The following SLCO1B3 variants were observed in gnomAD, a reference collection of about 807,000 sequenced individuals.
SLCO1B3 encodes the protein liver-specific organic anion transporter 2.
In SLCO1B3, 72 loss-of-function variants were observed where a neutral mutation model predicts 71.8. That is an observed-to-expected ratio of 1.00 (90% CI 0.83 to 1.22). The LOEUF (loss-of-function observed/expected upper bound fraction) is 1.22. SLCO1B3 is among the 50% of genes most tolerant of loss of function. The pLI is 0.00. For synonymous variants in SLCO1B3, 298 were observed against 278.4 expected (o/e 1.07, Z -0.70); for missense variants, 911 against 819.7 (o/e 1.11, Z -1.36).
chr12:20,870,509 A>T (rs973720442), intron 8 of SLCO1B3, among the ~76,000 whole-genome samples: 1 of 152,118 alleles, frequency 6.6e-6, no homozygotes, highest in African/African-American at 2.4e-5. Flanking sequence ...TTATTTTTTC[A>T]GTATATATAT....
At chr12:20,862,055 C>T (rs892075052) in intron 6 of SLCO1B3, among the ~76,000 whole-genome samples, 44 of 152,010 alleles carry the variant, frequency 2.9e-4, no homozygotes, top group African/African-American at 9.9e-4. Context: ...GAACTCTTGA[C>T]AACATGGGGA....
Position 20,910,765 on chromosome 12 carries a change from C to A in SLCO1B3, c.1866-5239C>A, listed in dbSNP as rs371106697. 2.4e-4 allele frequency among the ~76,000 whole-genome samples: 36 copies of A among 152,156 alleles called. No individual in the cohort carries two copies. The East Asian group carries it at 3.1e-3, about 13-fold the overall frequency. ...AATTTCAAATTCCACTTGTTCATTG[C>A]TGATTTATAGGAAAACTTTTCACTT... On this transcript the variant is annotated intron_variant, in intron 15 of 15. Coordinates refer to ENST00000381545, the MANE Select transcript of SLCO1B3 (RefSeq NM_019844.4).
intron 13 of SLCO1B3, among the ~76,000 whole-genome samples, chr12:20,895,054 A>G (rs1342843329): frequency 2.0e-5 from 3 of 152,280 alleles, no homozygotes; most frequent in South Asian, 2.1e-4. Flanking sequence ...CTTATTCACT[A>G]TCATGGAACA....
chr12:20,853,662 T>C (rs2121216798), intron 3 of SLCO1B3, among the ~76,000 whole-genome samples: 1 of 152,138 alleles, frequency 6.6e-6, no homozygotes, highest in Middle Eastern at 3.4e-3. Context: ...TGTTGATATA[T>C]TCAAAAGACC....
intron 3 of SLCO1B3, among the ~76,000 whole-genome samples, chr12:20,829,369 C>T (rs1354808612): frequency 1.3e-5 from 2 of 152,210 alleles, no homozygotes; most frequent in African/African-American, 4.8e-5. Context: ...AACTCACCTT[C>T]CCTGCGGGAA....
At chr12:20,903,085 A>AAAAAAG (rs1383220108) in intron 15 of SLCO1B3, among the ~76,000 whole-genome samples, 2 of 151,896 alleles carry the variant, frequency 1.3e-5, no homozygotes, top group Non-Finnish European at 2.9e-5. Flanking sequence ...AAAAAAAAAA[A>AAAAAAG]AAATCAATGC....
chr12:20,823,920 A>G (rs1241550926), intron 3 of SLCO1B3, among the ~76,000 whole-genome samples: 2 of 152,180 alleles, frequency 1.3e-5, no homozygotes, highest in African/African-American at 4.8e-5. Context: ...TCCTTTTCTC[A>G]AGGCAATCGG....
intron 8 of SLCO1B3, among the ~76,000 whole-genome samples, chr12:20,866,628 C>T (rs1168751434): frequency 6.6e-6 from 1 of 152,030 alleles, no homozygotes; most frequent in Admixed American, 6.6e-5. Context: ...GCTCCTGCCA[C>T]TTAGGAGTAA....
At chr12:20,843,678 G>A (rs1265110631) in intron 3 of SLCO1B3, among the ~76,000 whole-genome samples, 2 of 151,958 alleles carry the variant, frequency 1.3e-5, no homozygotes, top group African/African-American at 4.8e-5. Flanking sequence ...CTACTCAGGA[G>A]GCTGAGGCAG....
At chr12:20,837,243 T>C (rs1454246129) in intron 3 of SLCO1B3, among the ~76,000 whole-genome samples, 1 of 152,090 alleles carries the variant, frequency 6.6e-6, no homozygotes, top group African/African-American at 2.4e-5. Flanking sequence ...CTATAAATTT[T>C]ATGGATCTTT....
intron 15 of SLCO1B3, among the ~76,000 whole-genome samples, chr12:20,909,905 G>A (rs1405352291): frequency 6.6e-6 from 1 of 152,120 alleles, no homozygotes; most frequent in Non-Finnish European, 1.5e-5. Context: ...AATGATTTGT[G>A]AATGTTGAAC....
At chr12:20,811,635 CCAAT>C (rs1203944858) in intron 1 of SLCO1B3, among the ~76,000 whole-genome samples, 2 of 152,116 alleles carry the variant, frequency 1.3e-5, no homozygotes, top group African/African-American at 2.4e-5. Context: ...CTACTTCAGC[CCAAT>C]CAAACTGTGA....
intron 3 of SLCO1B3, among the ~76,000 whole-genome samples, chr12:20,822,277 G>C (rs370681992): frequency 4.6e-5 from 7 of 152,244 alleles, no homozygotes; most frequent in East Asian, 1.9e-4. Context: ...GGCTGAGTCC[G>C]AAAAGAGAGT....
chr12:20,814,939 G>T (rs1864164788), intron 2 of SLCO1B3, among the ~76,000 whole-genome samples: 1 of 148,460 alleles, frequency 6.7e-6, no homozygotes. Context: ...CTGGATAAGG[G>T]GACAAAGGTT....
intron 15 of SLCO1B3, among the ~76,000 whole-genome samples, chr12:20,909,539 T>G (rs1298937123): frequency 1.3e-5 from 2 of 152,014 alleles, no homozygotes; most frequent in Non-Finnish European, 1.5e-5. Context: ...TATGTTAAAG[T>G]CTTTGGCCTA....
At position 20,838,578 on chromosome 12, in the gene SLCO1B3, C is replaced by T. The variant is rs1030783015; in HGVS notation, c.85-16450C>T. 2.6e-5 allele frequency among the ~76,000 whole-genome samples: 4 copies of T among 152,038 alleles called. No individual in the cohort carries two copies. In the South Asian group the frequency reaches 6.2e-4, roughly 24 times the overall value. On this transcript the variant is annotated intron_variant, in intron 3 of 15. Coordinates refer to ENST00000381545, the MANE Select transcript of SLCO1B3 (RefSeq NM_019844.4). ...ACTTACACAAGCCTAGATAGATTAG[C>T]CTGCTAGACACCTAGGCTATATGTT... is the stretch of plus-strand genomic sequence containing the variant.
At chr12:20,851,893 C>T in intron 3 of SLCO1B3, among the ~76,000 whole-genome samples, 1 of 105,546 alleles carries the variant, frequency 9.5e-6, no homozygotes, top group South Asian at 5.2e-4. Flanking sequence ...GTTTTCTCAA[C>T]ATCAATTGTT....
At chr12:20,850,986 A>G (rs988615747) in intron 3 of SLCO1B3, among the ~76,000 whole-genome samples, 2 of 152,210 alleles carry the variant, frequency 1.3e-5, no homozygotes, top group African/African-American at 4.8e-5. Context: ...TGACTTGTTA[A>G]TAATAGCCAT....
chr12:20,813,230 AAT>A (rs1285729128), intron 1 of SLCO1B3, among the ~76,000 whole-genome samples: 7 of 152,358 alleles, frequency 4.6e-5, no homozygotes, highest in Non-Finnish European at 8.8e-5. Context: ...ATGCATTTAT[AAT>A]ATAGAGAATC....
Sources: allele counts gnomAD v4.1 joint callset (sites outside exome capture counted in the v4.1 genomes callset), GRCh38; gene constraint gnomAD v4.1.1; transcripts MANE v1.5; gene names NCBI Gene and HGNC (gene_info 2026-07-23, HGNC 2026-07-21).